LRP1B: variants seen among roughly 807,000 people sequenced by gnomAD.
LRP1B encodes low-density lipoprotein receptor-related protein 1B.
LRP1B carries 217 observed loss-of-function variants against 556.6 expected under a neutral mutation model. The ratio of observed to expected loss-of-function variants is 0.39; its 90% confidence interval spans 0.35 to 0.44. The LOEUF is 0.44. Ranked by LOEUF, LRP1B falls within the 20% of genes least tolerant of loss-of-function variation. LRP1B has a pLI of 1.00. For synonymous variants in LRP1B, 2,047 were observed against 1,865.8 expected (o/e 1.10, Z -2.50); for missense variants, 5,053 against 5,620.8 (o/e 0.90, Z 3.23).
intron 2 of LRP1B, among the ~76,000 whole-genome samples, chr2:141,601,351 A>G (rs990120579): frequency 2.6e-5 from 4 of 152,230 alleles, no homozygotes; most frequent in Middle Eastern, 3.4e-3. Flanking sequence ...TGCTGTACCT[A>G]TAAGTACCAT....
At chr2:140,902,784 A>G (rs1385103050) in intron 23 of LRP1B, 136 bp downstream of exon 23, 2 of 897,162 alleles carry the variant, frequency 2.2e-6, no homozygotes, top group African/African-American at 3.4e-5. Flanking sequence ...TAGTAGGTCT[A>G]AAATAACACA....
intron 2 of LRP1B, among the ~76,000 whole-genome samples, chr2:141,639,713 A>G (rs1375016942): frequency 2.0e-5 from 3 of 152,026 alleles, no homozygotes; most frequent in African/African-American, 7.2e-5. Context: ...TAGCTTTCCA[A>G]TGAAAGAATC....
chr2:140,327,650 C>A (rs1410540035), intron 79 of LRP1B, among the ~76,000 whole-genome samples: 1 of 151,992 alleles, frequency 6.6e-6, no homozygotes, highest in African/African-American at 2.4e-5. Flanking sequence ...AAAACAAAAA[C>A]CTGTTCCCGG....
intron 74 of LRP1B, among the ~76,000 whole-genome samples, chr2:140,357,598 ATTT>A (rs570864873): frequency 6.6e-6 from 1 of 151,582 alleles, no homozygotes; most frequent in Admixed American, 6.6e-5. Flanking sequence ...AATGGATTAA[ATTT>A]TTTTTAACAT....
At chr2:141,076,456 G>A (rs777001561) in intron 7 of LRP1B, among the ~76,000 whole-genome samples, 1 of 152,150 alleles carries the variant, frequency 6.6e-6, no homozygotes, top group Non-Finnish European at 1.5e-5. Flanking sequence ...ACTTTATTGT[G>A]TATAATAATC....
intron 32 of LRP1B, among the ~76,000 whole-genome samples, chr2:140,783,105 T>A (rs1476249): frequency 0.88 from 134,213 of 152,166 alleles, 59,434 homozygotes; most frequent in East Asian, 1. Context: ...AATTAAAGGC[T>A]GTTGCAATAC....
intron 84 of LRP1B, among the ~76,000 whole-genome samples, chr2:140,287,862 C>T (rs763674479): frequency 7.3e-5 from 11 of 151,652 alleles, no homozygotes; most frequent in East Asian, 2.0e-4. Flanking sequence ...TCTGGCATGA[C>T]GTTACATTTT....
At chr2:141,721,625 A>G (rs905293997) in intron 2 of LRP1B, among the ~76,000 whole-genome samples, 9 of 152,200 alleles carry the variant, frequency 5.9e-5, no homozygotes, top group Non-Finnish European at 8.8e-5. Context: ...TCTTTAAAAC[A>G]TGACTTTTTG....
intron 33 of LRP1B, among the ~76,000 whole-genome samples, chr2:140,773,912 T>C (rs1689402690): frequency 6.6e-6 from 1 of 152,224 alleles, no homozygotes; most frequent in Admixed American, 6.5e-5. Flanking sequence ...ATCTATCAAA[T>C]TATAAATACT....
chr2:140,918,903 T>C (rs1573878692), intron 21 of LRP1B, among the ~76,000 whole-genome samples: 1 of 152,144 alleles, frequency 6.6e-6, no homozygotes, highest in Admixed American at 6.6e-5. Flanking sequence ...ACCCAGTTTA[T>C]GATAATTTGT....
chr2:142,083,178 G>C (rs961065887), intron 1 of LRP1B, among the ~76,000 whole-genome samples: 2 of 152,120 alleles, frequency 1.3e-5, no homozygotes, highest in African/African-American at 4.8e-5. Context: ...AAGTTTCTGG[G>C]GGCACAAATG....
intron 49 of LRP1B, among the ~76,000 whole-genome samples, chr2:140,521,848 CA>C (rs373366823): frequency 3.0e-4 from 46 of 151,256 alleles, no homozygotes; most frequent in African/African-American, 1.1e-3. Context: ...AAATGGAAAA[CA>C]AAAAAAGAGC....
At position 141,582,613 on chromosome 2, in the gene LRP1B, A is replaced by ATT. The variant is rs5834845; in HGVS notation, c.206-102082_206-102081dup. On this transcript the variant is annotated intron_variant, in intron 2 of 90. Transcript: ENST00000389484. ...GTCAGCCTGAACACAGTATTTGAAGATTTTTTTTTTTTTCTGTGAACTTTA... is the reference window on the plus strand; with the variant it reads ...GTCAGCCTGAACACAGTATTTGAAGATTTTTTTTTTTTTTTCTGTGAACTTTA... 4.0e-3 allele frequency among the ~76,000 whole-genome samples: 600 copies of ATT among 149,462 alleles called. 7 individuals carry two copies. Among genetic ancestry groups the ATT allele is most frequent in the African/African-American group, 0.014 (568 of 40,676 alleles).
intron 1 of LRP1B, among the ~76,000 whole-genome samples, chr2:142,058,375 T>G (rs1704757728): frequency 6.6e-6 from 1 of 152,130 alleles, no homozygotes; most frequent in African/African-American, 2.4e-5. Flanking sequence ...TGCCTCCACC[T>G]TCGACCACTC....
chr2:142,100,753 C>A (rs1706541927), intron 1 of LRP1B, among the ~76,000 whole-genome samples: 2 of 151,992 alleles, frequency 1.3e-5, no homozygotes, highest in South Asian at 2.1e-4. Context: ...TGATAATAAC[C>A]AAGCTGCTTT....
At chr2:141,278,981 C>T (rs1484145227) in intron 3 of LRP1B, among the ~76,000 whole-genome samples, 1 of 152,082 alleles carries the variant, frequency 6.6e-6, no homozygotes, top group African/African-American at 2.4e-5. Flanking sequence ...AGGGGATGGA[C>T]ATACCTATTT....
chr2:140,627,638 T>C (rs1683712247), intron 41 of LRP1B, among the ~76,000 whole-genome samples: 1 of 152,174 alleles, frequency 6.6e-6, no homozygotes, highest in South Asian at 2.1e-4. Context: ...ATTGTGTGAG[T>C]CAATACTCCT....
At chr2:141,932,159 G>T (rs1443108964) in intron 1 of LRP1B, among the ~76,000 whole-genome samples, 1 of 151,928 alleles carries the variant, frequency 6.6e-6, no homozygotes, top group Non-Finnish European at 1.5e-5. Flanking sequence ...CAGTTCAACT[G>T]TATGTTAATT....
chr2:141,421,588 A>G (rs1680147007), intron 3 of LRP1B, among the ~76,000 whole-genome samples: 1 of 152,182 alleles, frequency 6.6e-6, no homozygotes, highest in South Asian at 2.1e-4. Flanking sequence ...TAGTTCAATT[A>G]AATAGGTCTT....
Sources: allele counts gnomAD v4.1 joint callset (sites outside exome capture counted in the v4.1 genomes callset), GRCh38; gene constraint gnomAD v4.1.1; transcripts MANE v1.5; gene names NCBI Gene and HGNC (gene_info 2026-07-23, HGNC 2026-07-21).